NCOA2: variants seen among roughly 807,000 people sequenced by gnomAD.
NCOA2 encodes the protein class E basic helix-loop-helix protein 75.
Under a neutral mutation model 145.1 loss-of-function variants are expected in NCOA2, and 21 were observed. That is an observed-to-expected ratio of 0.14 (90% CI 0.10 to 0.21). NCOA2 has a LOEUF of 0.21. Among genes scored for constraint, NCOA2 ranks in the 10% least tolerant of loss-of-function variants. The pLI is 1.00. For synonymous variants in NCOA2, 619 were observed against 637.5 expected (o/e 0.97, Z 0.44); for missense variants, 1,472 against 1,837.6 (o/e 0.80, Z 3.64).
chr8:70,312,110 A>G (rs749314764), intron 1 of NCOA2, among the ~76,000 whole-genome samples: 3 of 152,208 alleles, frequency 2.0e-5, no homozygotes, highest in Non-Finnish European at 4.4e-5. Flanking sequence ...CCTGGAAATC[A>G]GATCTTCTGA....
At chr8:70,150,801 A>G (rs552416975) in intron 11 of NCOA2, among the ~76,000 whole-genome samples, 2 of 152,348 alleles carry the variant, frequency 1.3e-5, no homozygotes, top group South Asian at 4.1e-4. Flanking sequence ...AGTCAACACG[A>G]TGATTTCTTT....
rs1202964525 is a variant in NCOA2 at position 70,156,117 on chromosome 8, C to T, written c.2248G>A (p.Asp750Asn). 3.7e-6 allele frequency: 6 copies of T among 1,613,944 alleles called. No homozygotes were observed. Among genetic ancestry groups the T allele is most frequent in the Non-Finnish European group, 5.1e-6 (6 of 1,179,880 alleles). The change falls in exon 11 of 23, where the codon GAT becomes AAT. Residue 750 changes from aspartate (D) to asparagine (N), a missense_variant. Coordinates refer to ENST00000452400, the MANE Select transcript of NCOA2 (RefSeq NM_006540.4). The stretch of plus-strand genomic sequence containing the variant: ...CCAATATCTTTAGTATCATCTTTAT[C>T]TAGCAAATAGCGAAGTAGTGCATTC... ...KENALLRYLLDKDDTKDIGLP... is the reference protein window; with the variant it reads ...KENALLRYLLNKDDTKDIGLP...
intron 3 of NCOA2, among the ~76,000 whole-genome samples, chr8:70,215,117 G>T (rs546795945): frequency 2.0e-5 from 3 of 151,666 alleles, no homozygotes; most frequent in African/African-American, 4.8e-5. Context: ...TCAGAATTTG[G>T]TTTTTTTTCT....
At chr8:70,321,364 T>C (rs1205545761) in intron 1 of NCOA2, among the ~76,000 whole-genome samples, 1 of 152,030 alleles carries the variant, frequency 6.6e-6, no homozygotes, top group African/African-American at 2.4e-5. Flanking sequence ...TTCACCATGT[T>C]GCCCAGGCTA....
intron 16 of NCOA2, among the ~76,000 whole-genome samples, chr8:70,131,248 C>T (rs1485594134): frequency 6.6e-6 from 1 of 151,972 alleles, no homozygotes; most frequent in Middle Eastern, 3.2e-3. Context: ...AGTAGCTTTT[C>T]ACAGGCACAG....
rs139698879 is a variant in NCOA2, at chr8:70,257,796, G to C, written c.-20+38948C>G. Among the ~76,000 whole-genome samples the C allele has an allele frequency of 8.6e-5, 13 of 151,700 alleles. No homozygotes were observed. In the East Asian group the frequency reaches 2.5e-3, roughly 29 times the overall value. On this transcript the variant is annotated intron_variant, in intron 2 of 22. Transcript: ENST00000452400. ...TCCCTTGGCTTCAATGACACTGGCA[G>C]TATCTTGCTTCTCCCTTCCTACCTC...
Position 70,313,917 on chromosome 8 carries a change from TC to T in NCOA2, c.-76-17118del, listed in dbSNP as rs965538014. 6.5e-4 allele frequency among the ~76,000 whole-genome samples: 99 copies of T among 152,138 alleles called. 1 individual carries two copies. The highest frequency in any genetic ancestry group is 2.4e-3 in the African/African-American group (98 of 41,516). ...CGGGCAAGGCGGCTCACGCCTGTAA[TC>T]CCAGCACTTTGGGAGGCTGAGGAGG... On this transcript the variant is annotated intron_variant, in intron 1 of 22. Transcript: ENST00000452400.
At chr8:70,403,598 G>A (rs1358489100) in intron 1 of NCOA2, 102 bp downstream of exon 1, 13 of 323,756 alleles carry the variant, frequency 4.0e-5, no homozygotes, top group Non-Finnish European at 5.6e-5. Flanking sequence ...GTCGGAGCTC[G>A]GCGCAGGAAG....
At position 70,190,226 on chromosome 8, in the gene NCOA2, C is replaced by T. The variant is rs368581916; in HGVS notation, c.260-15367G>A. On this transcript the variant is annotated intron_variant, in intron 4 of 22. Transcript: ENST00000452400. ...TCAAAAATTCAGGCTAAGAACATACCCTGCAGGAATAAAAAGAAATCTGTT... is the reference window on the plus strand; with the variant it reads ...TCAAAAATTCAGGCTAAGAACATACTCTGCAGGAATAAAAAGAAATCTGTT... Among the ~76,000 whole-genome samples, 3 of 152,052 alleles carry T rather than the reference C, an allele frequency of 2.0e-5. No individual in the cohort carries two copies. In the East Asian group the frequency reaches 5.8e-4, roughly 29 times the overall value.
At chr8:70,356,884 C>T (rs1809747864) in intron 1 of NCOA2, among the ~76,000 whole-genome samples, 1 of 152,198 alleles carries the variant, frequency 6.6e-6, no homozygotes, top group Non-Finnish European at 1.5e-5. Context: ...TAACAGGGAA[C>T]ATCATTAATC....
intron 14 of NCOA2, among the ~76,000 whole-genome samples, chr8:70,140,373 T>C (rs1408980452): frequency 1.3e-5 from 2 of 152,316 alleles, no homozygotes; most frequent in South Asian, 2.1e-4. Flanking sequence ...TCATATGATG[T>C]ATCAGACCAT....
the NCOA2 span, chr8:70,424,619 G>C: frequency 2.5e-6 from 1 of 392,676 alleles, no homozygotes. Context: ...CTGTGGAAGA[G>C]CAAACTTTTT....
At chr8:70,144,526 A>T in intron 13 of NCOA2, 116 bp downstream of exon 13, 1 of 834,512 alleles carries the variant, frequency 1.2e-6, no homozygotes, top group Non-Finnish European at 1.9e-6. Context: ...TCACTTTCAG[A>T]TGTTATTTTC....
chr8:70,360,798 C>T (rs1427571025), intron 1 of NCOA2, among the ~76,000 whole-genome samples: 2 of 151,832 alleles, frequency 1.3e-5, no homozygotes, highest in Admixed American at 6.6e-5. Context: ...ATGAGCCAGG[C>T]GTGGTAGCCC....
chr8:70,234,065 C>T (rs902077216), intron 2 of NCOA2, among the ~76,000 whole-genome samples: 7 of 152,146 alleles, frequency 4.6e-5, no homozygotes, highest in African/African-American at 1.7e-4. Context: ...CTCTCTATCT[C>T]TATGGATTTA....
At chr8:70,208,869 G>C (rs1338620391) in intron 4 of NCOA2, among the ~76,000 whole-genome samples, 1 of 152,186 alleles carries the variant, frequency 6.6e-6, no homozygotes, top group African/African-American at 2.4e-5. Flanking sequence ...GATGTACAAG[G>C]CCAAAAATGT....
intron 1 of NCOA2, among the ~76,000 whole-genome samples, chr8:70,338,998 G>A (rs1256969100): frequency 6.6e-6 from 1 of 152,046 alleles, no homozygotes; most frequent in Non-Finnish European, 1.5e-5. Flanking sequence ...GTATCATACT[G>A]GAAGCATTTC....
intron 1 of NCOA2, among the ~76,000 whole-genome samples, chr8:70,365,837 A>G (rs2131132687): frequency 6.6e-6 from 1 of 152,342 alleles, no homozygotes; most frequent in Middle Eastern, 3.4e-3. Context: ...CAATGAAAGA[A>G]GAGGATAAAT....
the NCOA2 span, among the ~76,000 whole-genome samples, chr8:70,441,438 GAAA>G: frequency 9.1e-6 from 1 of 109,864 alleles, no homozygotes; most frequent in South Asian, 2.7e-4. Flanking sequence ...AGAAGAGAAA[GAAA>G]AAAGAAAAAA....
Sources: allele counts gnomAD v4.1 joint callset (sites outside exome capture counted in the v4.1 genomes callset), GRCh38; gene constraint gnomAD v4.1.1; transcripts MANE v1.5; gene names NCBI Gene and HGNC (gene_info 2026-07-23, HGNC 2026-07-21).